The following PPP2R2C variants were observed in gnomAD, a reference collection of about 807,000 sequenced individuals.
PPP2R2C encodes the protein protein phosphatase 2 regulatory subunit Bgamma.
PPP2R2C carries 10 observed loss-of-function variants against 45.3 expected under a neutral mutation model. That is an observed-to-expected ratio of 0.22 (90% CI 0.14 to 0.37). The LOEUF (loss-of-function observed/expected upper bound fraction) is 0.37. PPP2R2C is among the 10% of genes least tolerant of loss of function. PPP2R2C has a pLI of 1.00. For missense variants in PPP2R2C, 308 were observed against 619.7 expected, an observed-to-expected ratio of 0.50 and a Z score of 5.34; for synonymous variants, 257 against 245.4, an observed-to-expected ratio of 1.05 and a Z score of -0.44.
chr4:6,354,663 C>A, intron 5 of PPP2R2C, among the ~76,000 whole-genome samples: 1 of 150,468 alleles, frequency 6.6e-6, no homozygotes, highest in African/African-American at 2.5e-5. Flanking sequence ...ACCCCCACCC[C>A]AACACACACT....
chr4:6,455,818 A>G (rs1720993537), intron 1 of PPP2R2C, among the ~76,000 whole-genome samples: 1 of 152,108 alleles, frequency 6.6e-6, no homozygotes, highest in Non-Finnish European at 1.5e-5. Context: ...CCCTCCTGCC[A>G]TGAATGTCGC....
At chr4:6,479,345 T>C (rs931813956) in intron 2 of PPP2R2C, among the ~76,000 whole-genome samples, 3 of 152,302 alleles carry the variant, frequency 2.0e-5, no homozygotes, top group Admixed American at 6.5e-5. Context: ...TTGAACCTCA[T>C]AGAGGCTGGG....
intron 5 of PPP2R2C, among the ~76,000 whole-genome samples, chr4:6,358,690 T>C (rs1482876752): frequency 1.3e-5 from 2 of 151,940 alleles, no homozygotes; most frequent in Non-Finnish European, 2.9e-5. Flanking sequence ...GCAAAGGATA[T>C]GAAGAGATAC....
chr4:6,334,872 C>T (rs1166753735), intron 6 of PPP2R2C, among the ~76,000 whole-genome samples: 1 of 152,226 alleles, frequency 6.6e-6, no homozygotes, highest in African/African-American at 2.4e-5. Context: ...AGGCCCCTCC[C>T]TGCTGGCCCC....
chr4:6,514,986 T>C lies in PPP2R2C; in HGVS notation c.49+20285A>G, dbSNP rs1222525782. ...ACTGTGTCTCTTCTAAGGATGCCAGTCACTGGATCAGGGCCCACCCTAATC... is the reference window on the plus strand; with the variant it reads ...ACTGTGTCTCTTCTAAGGATGCCAGCCACTGGATCAGGGCCCACCCTAATC... On this transcript the variant is annotated intron_variant, in intron 2 of 9. Coordinates refer to the PPP2R2C transcript ENST00000506140. Among the ~76,000 whole-genome samples, 4 of 151,858 alleles carry C rather than the reference T, an allele frequency of 2.6e-5. No homozygotes were observed. The Admixed American group carries it at 2.6e-4, about 10-fold the overall frequency.
intron 3 of PPP2R2C, among the ~76,000 whole-genome samples, chr4:6,377,150 A>C (rs1290659760): frequency 6.6e-6 from 1 of 152,178 alleles, no homozygotes; most frequent in African/African-American, 2.4e-5. Context: ...TGTTCGGGAG[A>C]GCCTTGGAGG....
intron 1 of PPP2R2C, among the ~76,000 whole-genome samples, chr4:6,420,637 G>A (rs1022399211): frequency 6.6e-6 from 1 of 152,054 alleles, no homozygotes; most frequent in African/African-American, 2.4e-5. Flanking sequence ...CTCTATCTGC[G>A]GGACACGAAC....
chr4:6,462,056 T>C (rs1721354043), intron 1 of PPP2R2C, among the ~76,000 whole-genome samples: 1 of 152,148 alleles, frequency 6.6e-6, no homozygotes, highest in African/African-American at 2.4e-5. Flanking sequence ...TTGCCCAAGA[T>C]CACTCAGCCA....
chr4:6,397,157 G>A (rs1444428540), intron 1 of PPP2R2C, among the ~76,000 whole-genome samples: 2 of 152,362 alleles, frequency 1.3e-5, no homozygotes, highest in East Asian at 1.9e-4. Context: ...ACCCCTGTAA[G>A]AGAAGCGTGG....
At position 6,383,949 on chromosome 4, in the gene PPP2R2C, G is replaced by A. The variant is rs182250982; in HGVS notation, c.71-2855C>T. Reference sequence around the variant, plus strand: ...TGAGGCAACAGAAAAGATTGAGAGAGGGTGGTTAGAAGTGGGATGACGGGC... The same window carrying A: ...TGAGGCAACAGAAAAGATTGAGAGAAGGTGGTTAGAAGTGGGATGACGGGC... On this transcript the variant is annotated intron_variant, in intron 1 of 8. Coordinates refer to ENST00000382599, the MANE Select transcript of PPP2R2C (RefSeq NM_020416.4). 6.5e-5 allele frequency: 64 copies of A among 986,362 alleles called. No homozygotes were observed. In the East Asian group the frequency reaches 5.7e-3, roughly 87 times the overall value. The allele number at this position is 986,362 out of a possible 1,614,324, so 61.1% of individuals were successfully genotyped here.
intron 1 of PPP2R2C, among the ~76,000 whole-genome samples, chr4:6,394,197 C>T (rs1208229226): frequency 6.6e-6 from 1 of 152,180 alleles, no homozygotes; most frequent in Non-Finnish European, 1.5e-5. Flanking sequence ...TTGAGAACCA[C>T]TGGTAAAGGG....
At chr4:6,392,918 A>G (rs1716757150) in intron 1 of PPP2R2C, among the ~76,000 whole-genome samples, 1 of 152,192 alleles carries the variant, frequency 6.6e-6, no homozygotes, top group Non-Finnish European at 1.5e-5. Flanking sequence ...CAGGCAGCGA[A>G]TGAAAGGAAG....
intron 2 of PPP2R2C, among the ~76,000 whole-genome samples, chr4:6,510,994 C>A (rs112125201): frequency 0.34 from 10,362 of 30,840 alleles, 1,256 homozygotes; most frequent in African/African-American, 0.43. Context: ...AAAAAACAAA[C>A]AAACAAAAAA....
chr4:6,487,783 T>C (rs951548308), intron 2 of PPP2R2C, among the ~76,000 whole-genome samples: 31 of 152,146 alleles, frequency 2.0e-4, no homozygotes, highest in Non-Finnish European at 4.1e-4. Flanking sequence ...TGCCAGCCAT[T>C]ATTTCTTCAG....
intron 5 of PPP2R2C, among the ~76,000 whole-genome samples, chr4:6,354,441 G>T (rs952713566): frequency 6.6e-6 from 1 of 152,066 alleles, no homozygotes; most frequent in Non-Finnish European, 1.5e-5. Flanking sequence ...CATCTGTCCC[G>T]CCCTGCAGTC....
intron 6 of PPP2R2C, among the ~76,000 whole-genome samples, 179 bp from the exon 7 acceptor site, chr4:6,333,910 C>A (rs1732625284): frequency 6.6e-6 from 1 of 152,148 alleles, no homozygotes; most frequent in Admixed American, 6.5e-5. Flanking sequence ...CTGTGCTGTG[C>A]AGAAATAGCC....
chr4:6,351,469 A>T, intron 5 of PPP2R2C: 8 of 564,466 alleles, frequency 1.4e-5, no homozygotes, highest in Non-Finnish European at 1.8e-5. Flanking sequence ...GGCTGGGGAC[A>T]CAGAGTCCCC....
chr4:6,466,008 C>T (rs1221696209), intron 1 of PPP2R2C, among the ~76,000 whole-genome samples: 2 of 152,158 alleles, frequency 1.3e-5, no homozygotes, highest in Admixed American at 6.5e-5. Context: ...ACGTAACACA[C>T]GTTAAGAAAG....
chr4:6,381,703 C>A, intron 1 of PPP2R2C: 4 of 1,551,116 alleles, frequency 2.6e-6, no homozygotes, highest in Non-Finnish European at 3.5e-6. Flanking sequence ...CTGCCCTGAC[C>A]CTCCCTGCAC....
Sources: allele counts gnomAD v4.1 joint callset (sites outside exome capture counted in the v4.1 genomes callset), GRCh38; gene constraint gnomAD v4.1.1; transcripts MANE v1.5; gene names NCBI Gene and HGNC (gene_info 2026-07-23, HGNC 2026-07-21).